The following CADM2 variants were observed in gnomAD, a reference collection of about 807,000 sequenced individuals.
The protein encoded by CADM2 is cell adhesion molecule 2, also known as immunoglobulin superfamily member 4D.
CADM2 carries 12 observed loss-of-function variants against 49.8 expected under a neutral mutation model. That is an observed-to-expected ratio of 0.24 (90% confidence interval 0.15 to 0.39). The LOEUF (loss-of-function observed/expected upper bound fraction) is 0.39, where lower values mean the gene tolerates loss of function less well. CADM2 is among the 10% of genes least tolerant of loss of function. CADM2 has a pLI of 1.00. For synonymous variants in CADM2, 214 were observed against 175.4 expected (o/e 1.22, Z -1.74); for missense variants, 378 against 492.3 (o/e 0.77, Z 2.20).
intron 2 of CADM2, among the ~76,000 whole-genome samples, chr3:85,779,006 G>A (rs1038511219): frequency 2.0e-5 from 3 of 152,154 alleles, no homozygotes; most frequent in Admixed American, 6.6e-5. Flanking sequence ...TTAAGACAAG[G>A]AGACTTAGGA....
In CADM2 at chr3:85,802,208, T is replaced by G; in HGVS notation, c.238+12T>G. The G allele has an allele frequency of 6.3e-7, 1 of 1,599,304 alleles. No homozygotes were observed. The highest frequency in any genetic ancestry group is 8.5e-7 in the Non-Finnish European group (1 of 1,172,958). ...TGACGACAAGAAAGGTGAATACATT[T>G]TCTTTCAAATGTTTTAATCGTATTC... On this transcript the variant is annotated intron_variant, in intron 3 of 9. Transcript: ENST00000383699.
Position 86,068,640 on chromosome 3 carries a change from T to A in CADM2, c.*1857T>A, listed in dbSNP as rs1007175905. ...TAAGGAAAATGTTAGAATTTTAAAG[T>A]TTTTTTTTGATTGTTGAAGCATTTA... On this transcript the variant is annotated 3_prime_UTR_variant, in exon 10 of 10. Coordinates refer to ENST00000383699, the MANE Select transcript of CADM2 (RefSeq NM_001167675.2). The A allele has an allele frequency of 1.3e-5, 2 of 149,480 alleles. No individual in the cohort carries two copies. Among genetic ancestry groups the A allele is most frequent in the Non-Finnish European group, 3.0e-5 (2 of 67,624 alleles). 9.3% of individuals were successfully genotyped at this position (149,480 alleles called of 1,614,324 possible).
At chr3:86,048,620 A>G (rs533480807) in intron 8 of CADM2, among the ~76,000 whole-genome samples, 4 of 152,284 alleles carry the variant, frequency 2.6e-5, no homozygotes, top group African/African-American at 9.6e-5. Context: ...TAATTTATTT[A>G]TTATGCTAAG....
At chr3:85,389,312 A>T (rs2034403346) in intron 1 of CADM2, among the ~76,000 whole-genome samples, 1 of 152,130 alleles carries the variant, frequency 6.6e-6, no homozygotes, top group African/African-American at 2.4e-5. Flanking sequence ...TAGTGTAACA[A>T]GTAGTATGGA....
At chr3:85,895,550 T>C (rs1715109721) in intron 5 of CADM2, among the ~76,000 whole-genome samples, 1 of 152,176 alleles carries the variant, frequency 6.6e-6, no homozygotes. Flanking sequence ...GAGTTAAGAC[T>C]TCAGGGGACT....
At chr3:85,940,756 GT>G (rs1167607953) in intron 7 of CADM2, among the ~76,000 whole-genome samples, 2 of 152,026 alleles carry the variant, frequency 1.3e-5, no homozygotes, top group Non-Finnish European at 2.9e-5. Context: ...GCAGACCTGG[GT>G]TTAAATTATA....
chr3:85,328,497 A>G (rs1432721305), intron 1 of CADM2, among the ~76,000 whole-genome samples: 1 of 152,180 alleles, frequency 6.6e-6, no homozygotes, highest in Non-Finnish European at 1.5e-5. Flanking sequence ...AGGACAGCCA[A>G]TGACAACTTT....
At chr3:85,658,615 T>TATATATATATAC (rs1553656735) in intron 1 of CADM2, among the ~76,000 whole-genome samples, 11 of 132,328 alleles carry the variant, frequency 8.3e-5, no homozygotes, top group African/African-American at 3.2e-4. Context: ...TATATATATA[T>TATATATATATAC]ATACATGTAT....
At chr3:85,210,692 C>T (rs2041757630) in intron 1 of CADM2, among the ~76,000 whole-genome samples, 1 of 152,086 alleles carries the variant, frequency 6.6e-6, no homozygotes, top group African/African-American at 2.4e-5. Flanking sequence ...AGGTATATGC[C>T]ACCAAGCCCG....
chr3:85,291,236 G>GA (rs1262951298), intron 1 of CADM2, among the ~76,000 whole-genome samples: 1 of 151,896 alleles, frequency 6.6e-6, no homozygotes, highest in Admixed American at 6.6e-5. Flanking sequence ...GAAGTTTAGA[G>GA]AAAAAAGAAT....
rs549604915 is a variant in CADM2, at chr3:85,027,263, C to T, written c.61+67595C>T. Among the ~76,000 whole-genome samples, 13 of 151,448 alleles carry T rather than the reference C, an allele frequency of 8.6e-5. No individual in the cohort carries two copies. The East Asian group carries it at 2.5e-3, about 30-fold the overall frequency. On this transcript the variant is annotated intron_variant, in intron 1 of 9. Coordinates refer to ENST00000383699, the MANE Select transcript of CADM2 (RefSeq NM_001167675.2). Reference sequence around the variant, plus strand: ...CTGAGTAGTTAGGACGTCAAGCGCCCGCCACCAAGCCCGGCTAACTTTTTG... The same window carrying T: ...CTGAGTAGTTAGGACGTCAAGCGCCTGCCACCAAGCCCGGCTAACTTTTTG...
At position 85,979,319 on chromosome 3, in the gene CADM2, C is replaced by T. The variant is rs1049211213; in HGVS notation, c.970+17672C>T. The T allele has an allele frequency of 2.5e-6, 4 of 1,600,320 alleles. No individual in the cohort carries two copies. The South Asian group carries it at 4.5e-5, about 18-fold the overall frequency. The stretch of plus-strand genomic sequence containing the variant: ...TTTCTTTGTTATAGCCTGGAAAGCA[C>T]ATTAACTGGAGCTCTGTAGAAGTTT... On this transcript the variant is annotated intron_variant, in intron 8 of 9. Coordinates refer to ENST00000383699, the MANE Select transcript of CADM2 (RefSeq NM_001167675.2).
At chr3:85,167,676 A>T (rs2040506729) in intron 1 of CADM2, among the ~76,000 whole-genome samples, 1 of 152,148 alleles carries the variant, frequency 6.6e-6, no homozygotes, top group Admixed American at 6.5e-5. Context: ...CAATTAAACC[A>T]CTTTTAATCC....
chr3:85,999,692 G>C (rs2108736677), intron 8 of CADM2, among the ~76,000 whole-genome samples: 1 of 151,910 alleles, frequency 6.6e-6, no homozygotes, highest in Non-Finnish European at 1.5e-5. Context: ...AGAAAAGAAA[G>C]AATGAAAGAA....
At chr3:85,064,712 T>G (rs1295118782) in intron 1 of CADM2, among the ~76,000 whole-genome samples, 1 of 152,146 alleles carries the variant, frequency 6.6e-6, no homozygotes, top group East Asian at 1.9e-4. Context: ...ACTGGCAATA[T>G]TTGTTAGTTC....
chr3:84,986,781 T>A (rs1272206764), intron 1 of CADM2, among the ~76,000 whole-genome samples: 4 of 151,434 alleles, frequency 2.6e-5, no homozygotes, highest in African/African-American at 9.7e-5. Context: ...AAAAGAAGCA[T>A]ACTCACTTTA....
At chr3:85,504,525 A>G (rs1344035686) in intron 1 of CADM2, among the ~76,000 whole-genome samples, 3 of 152,162 alleles carry the variant, frequency 2.0e-5, no homozygotes, top group Non-Finnish European at 4.4e-5. Flanking sequence ...CTGTTTTGAC[A>G]GGGCGCTGAT....
intron 1 of CADM2, among the ~76,000 whole-genome samples, chr3:85,358,779 T>C (rs2032084365): frequency 1.3e-5 from 2 of 152,078 alleles, no homozygotes; most frequent in Non-Finnish European, 2.9e-5. Context: ...AAATTAAGAG[T>C]ATAATACATA....
intron 3 of CADM2, among the ~76,000 whole-genome samples, chr3:85,860,167 G>T (rs916323445): frequency 6.6e-6 from 1 of 152,132 alleles, no homozygotes; most frequent in African/African-American, 2.4e-5. Context: ...ACATATTCAT[G>T]GATACTATTT....
Sources: allele counts gnomAD v4.1 joint callset (sites outside exome capture counted in the v4.1 genomes callset), GRCh38; gene constraint gnomAD v4.1.1; transcripts MANE v1.5; gene names NCBI Gene and HGNC (gene_info 2026-07-23, HGNC 2026-07-21).